LRP1B: variants seen among roughly 807,000 people sequenced by gnomAD.
LRP1B encodes LDL receptor related protein 1B.
Under a neutral mutation model 556.6 loss-of-function variants are expected in LRP1B, and 217 were observed. The observed-to-expected ratio is 0.39, with a 90% CI of 0.35 to 0.44. The LOEUF is 0.44. Among genes scored for constraint, LRP1B ranks in the 20% least tolerant of loss-of-function variants. The pLI is 1.00. For synonymous variants in LRP1B, 2,047 were observed against 1,865.8 expected (o/e 1.10, Z -2.50); for missense variants, 5,053 against 5,620.8 (o/e 0.90, Z 3.23).
At chr2:140,284,694 T>C (rs1683056327) in intron 84 of LRP1B, among the ~76,000 whole-genome samples, 4 of 147,602 alleles carry the variant, frequency 2.7e-5, no homozygotes, top group African/African-American at 7.4e-5. Flanking sequence ...GAAGCAACGA[T>C]TTCTGATATA....
chr2:140,638,611 C>T (rs942859806), intron 41 of LRP1B, among the ~76,000 whole-genome samples: 5 of 151,990 alleles, frequency 3.3e-5, no homozygotes, highest in Non-Finnish European at 7.4e-5. Flanking sequence ...ATGAATGAAT[C>T]GAAGTAACTT....
chr2:141,111,293 A>C (rs570049206), intron 7 of LRP1B, among the ~76,000 whole-genome samples: 49 of 152,356 alleles, frequency 3.2e-4, no homozygotes, highest in African/African-American at 1.2e-3. Context: ...CTAAAATCCC[A>C]ATAGAAAAAC....
At chr2:140,579,510 G>A (rs1462598112) in intron 43 of LRP1B, among the ~76,000 whole-genome samples, 1 of 152,130 alleles carries the variant, frequency 6.6e-6, no homozygotes, top group African/African-American at 2.4e-5. Context: ...AGACACCTGG[G>A]CTTTATCTTG....
intron 1 of LRP1B, among the ~76,000 whole-genome samples, chr2:142,085,674 A>G (rs1705889876): frequency 6.6e-6 from 1 of 152,170 alleles, no homozygotes; most frequent in Non-Finnish European, 1.5e-5. Context: ...TATGTGTATG[A>G]GAGAAACAGT....
chr2:141,716,167 C>T (rs771359957), intron 2 of LRP1B, among the ~76,000 whole-genome samples: 1 of 152,174 alleles, frequency 6.6e-6, no homozygotes, highest in African/African-American at 2.4e-5. Flanking sequence ...CAAAAGCCAA[C>T]TAGCACTTTT....
intron 3 of LRP1B, among the ~76,000 whole-genome samples, chr2:141,415,447 G>A (rs1364806700): frequency 6.6e-6 from 1 of 152,034 alleles, no homozygotes; most frequent in Non-Finnish European, 1.5e-5. Flanking sequence ...ATTAATGGTT[G>A]TCCTAAATGT....
chr2:141,915,589 CTAAT>C (rs1700009773), intron 1 of LRP1B, among the ~76,000 whole-genome samples: 2 of 152,052 alleles, frequency 1.3e-5, no homozygotes, highest in African/African-American at 2.4e-5. Flanking sequence ...CAAGTGAAAT[CTAAT>C]TAAGCTAAAG....
At chr2:141,439,050 T>C (rs10198566) in intron 3 of LRP1B, among the ~76,000 whole-genome samples, 30,127 of 152,128 alleles carry the variant, frequency 0.2, 3,667 homozygotes, top group East Asian at 0.45. Flanking sequence ...TTTCAACCAT[T>C]TTATATAATG....
At chr2:140,570,004 CATGTCAACACCT>C (rs1332463152) in intron 43 of LRP1B, among the ~76,000 whole-genome samples, 1 of 151,616 alleles carries the variant, frequency 6.6e-6, no homozygotes, top group African/African-American at 2.4e-5. Context: ...AGAAACAGAA[CATGTCAACACCT>C]ATGGGATACA....
intron 1 of LRP1B, among the ~76,000 whole-genome samples, chr2:142,100,654 T>C (rs1409582243): frequency 6.6e-6 from 1 of 151,972 alleles, no homozygotes; most frequent in Non-Finnish European, 1.5e-5. Flanking sequence ...CAAGTGAAGA[T>C]AATTGTAAGT....
At chr2:140,266,708 C>T (rs947025430) in intron 86 of LRP1B, among the ~76,000 whole-genome samples, 2 of 151,882 alleles carry the variant, frequency 1.3e-5, no homozygotes, top group Non-Finnish European at 2.9e-5. Flanking sequence ...TATAAAACTA[C>T]AATATGTTTT....
intron 3 of LRP1B, among the ~76,000 whole-genome samples, chr2:141,360,622 A>G (rs763987335): frequency 1.3e-5 from 2 of 152,188 alleles, no homozygotes; most frequent in Non-Finnish European, 2.9e-5. Context: ...TACTACCTCA[A>G]TTTCAGAGTG....
intron 35 of LRP1B, among the ~76,000 whole-genome samples, chr2:140,727,359 C>T (rs1305793764): frequency 1.3e-5 from 2 of 152,120 alleles, no homozygotes; most frequent in Non-Finnish European, 2.9e-5. Flanking sequence ...TCATGCTGTG[C>T]CTTTCTTCCC....
At chr2:141,065,156 G>A (rs1421117802) in intron 7 of LRP1B, among the ~76,000 whole-genome samples, 10 of 151,832 alleles carry the variant, frequency 6.6e-5, no homozygotes, top group South Asian at 2.1e-4. Flanking sequence ...GCCTATACCC[G>A]TCACCTAGAT....
chr2:141,815,334 G>C (rs1046340900), intron 1 of LRP1B, among the ~76,000 whole-genome samples: 1 of 152,184 alleles, frequency 6.6e-6, no homozygotes, highest in African/African-American at 2.4e-5. Context: ...AAGGTAGTGA[G>C]AGGTGAAGCC....
At chr2:141,551,955 A>G (rs906591885) in intron 2 of LRP1B, among the ~76,000 whole-genome samples, 1 of 152,026 alleles carries the variant, frequency 6.6e-6, no homozygotes, top group Non-Finnish European at 1.5e-5. Context: ...TCTACCCCCT[A>G]AATAGCCTAT....
chr2:141,366,111 C>G (rs1689026265), intron 3 of LRP1B, among the ~76,000 whole-genome samples: 2 of 152,276 alleles, frequency 1.3e-5, no homozygotes, highest in African/African-American at 4.8e-5. Flanking sequence ...GTGTTTTTCA[C>G]ACTGCTGCAA....
intron 32 of LRP1B, among the ~76,000 whole-genome samples, chr2:140,809,824 ACTT>A (rs1431393159): frequency 6.6e-6 from 1 of 152,068 alleles, no homozygotes; most frequent in Admixed American, 6.6e-5. Context: ...TCCCACGTGT[ACTT>A]CTTCACTGGG....
At chr2:141,773,554 A>G (rs964195434) in intron 2 of LRP1B, among the ~76,000 whole-genome samples, 1 of 152,246 alleles carries the variant, frequency 6.6e-6, no homozygotes, top group Non-Finnish European at 1.5e-5. Flanking sequence ...CTGTGGAATG[A>G]GAAAGGCTAG....
Sources: allele counts gnomAD v4.1 joint callset (sites outside exome capture counted in the v4.1 genomes callset), GRCh38; gene constraint gnomAD v4.1.1; transcripts MANE v1.5; gene names NCBI Gene and HGNC (gene_info 2026-07-23, HGNC 2026-07-21).